Variants in ULBP3 observed in about 807,000 individuals in gnomAD.
ULBP3 encodes the protein UL16-binding protein 3.
Under a neutral mutation model 24.9 loss-of-function variants are expected in ULBP3, and 25 were observed. The observed-to-expected ratio is 1.00, with a 90% CI of 0.73 to 1.40. The LOEUF (loss-of-function observed/expected upper bound fraction) is 1.40, where lower values mean the gene tolerates loss of function less well. ULBP3 is among the 40% of genes most tolerant of loss of function. The pLI is 0.00. For synonymous variants in ULBP3, 114 were observed against 114.7 expected, an observed-to-expected ratio of 0.99 and a Z score of 0.04; for missense variants, 306 against 307.5, an observed-to-expected ratio of 1.00 and a Z score of 0.04.
At position 150,066,154 on chromosome 6, in the gene ULBP3, A is replaced by T. The variant is rs759614006; in HGVS notation, c.97T>A (p.Ser33Thr). The T allele has an allele frequency of 6.2e-7, 1 of 1,612,956 alleles. No homozygotes were observed. Among genetic ancestry groups the T allele is most frequent in the Non-Finnish European group, 8.5e-7 (1 of 1,179,602 alleles). Residue 33 changes from serine to threonine, a missense_variant, in exon 2 of 5, where the codon TCT becomes ACT. Transcript: ENST00000367339. ...WSGTGRADAH[S>T]LWYNFTIIHL... ...ATGATGGTGAAGTTATACCAGAGAG[A>T]GTGAGCGTCTAAGGAAAAAAAAAAA... is the stretch of plus-strand genomic sequence containing the variant.
Sources: gnomAD v4.1 joint callset for allele counts on GRCh38, gnomAD v4.1.1 for gene constraint, MANE v1.5 for transcripts, NCBI Gene and HGNC (gene_info 2026-07-23, HGNC 2026-07-21) for gene names.